The following XYLT1 variants were observed in gnomAD, a reference collection of about 807,000 sequenced individuals.
The protein encoded by XYLT1 is xylosyltransferase 1.
A neutral mutation model predicts 91.3 loss-of-function variants in XYLT1; 36 were observed. That is an observed-to-expected ratio of 0.39 (90% CI 0.30 to 0.52). The LOEUF is 0.52. Ranked by LOEUF, XYLT1 falls within the 20% of genes least tolerant of loss-of-function variation. The probability of loss-of-function intolerance (pLI) is 0.68; values close to 1 mark genes in which losing one functional copy is unlikely to be tolerated. For missense variants in XYLT1, 1,242 were observed against 1,284.5 expected (o/e 0.97, Z 0.51); for synonymous variants, 588 against 532.0 (o/e 1.11, Z -1.45).
At chr16:17,187,566 CA>C (rs57130941) in intron 5 of XYLT1, among the ~76,000 whole-genome samples, 769 of 57,180 alleles carry the variant, frequency 0.013, 4 homozygotes, top group African/African-American at 0.046. Flanking sequence ...AACGCTGTCT[CA>C]AAAAAAAAAA....
intron 2 of XYLT1, among the ~76,000 whole-genome samples, chr16:17,351,768 G>T: frequency 2.1e-5 from 3 of 144,034 alleles, no homozygotes; most frequent in Non-Finnish European, 3.0e-5. Flanking sequence ...GTGCTTTCCT[G>T]TGCATTATGG....
intron 6 of XYLT1, among the ~76,000 whole-genome samples, chr16:17,150,315 A>G (rs2031251120): frequency 6.6e-6 from 1 of 152,206 alleles, no homozygotes; most frequent in South Asian, 2.1e-4. Flanking sequence ...ATCCTACAGT[A>G]GCTGGAAGAT....
At chr16:17,142,630 A>G (rs1409522203) in intron 6 of XYLT1, among the ~76,000 whole-genome samples, 5 of 148,336 alleles carry the variant, frequency 3.4e-5, no homozygotes, top group African/African-American at 5.0e-5. Context: ...TTTAGTAGAG[A>G]TGGGGTTTCA....
chr16:17,323,976 T>C (rs1482205100), intron 2 of XYLT1, among the ~76,000 whole-genome samples: 1 of 152,210 alleles, frequency 6.6e-6, no homozygotes, highest in Non-Finnish European at 1.5e-5. Context: ...TCTACTAAAG[T>C]ATGAAACAGA....
chr16:17,396,727 C>T (rs1178665587), intron 1 of XYLT1, among the ~76,000 whole-genome samples: 2 of 152,064 alleles, frequency 1.3e-5, no homozygotes, highest in African/African-American at 2.4e-5. Flanking sequence ...AAAAATTAGC[C>T]GGGCGTGGTG....
intron 3 of XYLT1, among the ~76,000 whole-genome samples, chr16:17,247,355 G>A (rs2033454219): frequency 6.6e-6 from 1 of 152,054 alleles, no homozygotes; most frequent in African/African-American, 2.4e-5. Context: ...GGCAGCTACT[G>A]GGCAAGAACT....
chr16:17,176,805 C>G (rs1292192342), intron 5 of XYLT1, among the ~76,000 whole-genome samples: 1 of 151,520 alleles, frequency 6.6e-6, no homozygotes, highest in Non-Finnish European at 1.5e-5. Flanking sequence ...CATGTTTCCC[C>G]TCCTCCAGCA....
At chr16:17,325,904 T>C (rs2034793791) in intron 2 of XYLT1, among the ~76,000 whole-genome samples, 1 of 152,216 alleles carries the variant, frequency 6.6e-6, no homozygotes, top group African/African-American at 2.4e-5. Context: ...GCATCATGTC[T>C]ATGCAGGGGA....
At chr16:17,279,956 G>T (rs977533455) in intron 2 of XYLT1, among the ~76,000 whole-genome samples, 3 of 152,134 alleles carry the variant, frequency 2.0e-5, no homozygotes, top group African/African-American at 7.2e-5. Context: ...TCCTCCTCTA[G>T]GTCTGTCCTC....
At chr16:17,175,341 T>C (rs927024082) in intron 5 of XYLT1, among the ~76,000 whole-genome samples, 1 of 152,146 alleles carries the variant, frequency 6.6e-6, no homozygotes, top group Non-Finnish European at 1.5e-5. Context: ...ATAATAAGTA[T>C]AGAATATAAG....
chr16:17,337,775 C>CTTTTTTTTTTTT (rs71373106), intron 2 of XYLT1, among the ~76,000 whole-genome samples: 3 of 114,216 alleles, frequency 2.6e-5, no homozygotes, highest in African/African-American at 4.2e-5. Flanking sequence ...CACATTTTTT[C>CTTTTTTTTTTTT]TTTTTCTTTT....
chr16:17,402,092 A>G (rs1440096125), intron 1 of XYLT1, among the ~76,000 whole-genome samples: 1 of 151,794 alleles, frequency 6.6e-6, no homozygotes, highest in East Asian at 1.9e-4. Flanking sequence ...TGAGCCCAGG[A>G]GTTGGAGACC....
At chr16:17,412,779 A>G (rs8055418) in intron 1 of XYLT1, among the ~76,000 whole-genome samples, 1 of 152,268 alleles carries the variant, frequency 6.6e-6, no homozygotes, top group South Asian at 2.1e-4. Flanking sequence ...TTTCCCAAAC[A>G]AGGAATACTT....
chr16:17,114,930 C>T (rs1428133505), intron 11 of XYLT1, among the ~76,000 whole-genome samples: 4 of 152,064 alleles, frequency 2.6e-5, no homozygotes, highest in African/African-American at 4.8e-5. Flanking sequence ...CTGCAAGCTC[C>T]GCTTCCCGGG....
intron 6 of XYLT1, among the ~76,000 whole-genome samples, chr16:17,147,917 T>G (rs1189978673): frequency 6.6e-6 from 1 of 152,156 alleles, no homozygotes; most frequent in African/African-American, 2.4e-5. Context: ...TCTGTAGCAA[T>G]AAGCCCCATA....
intron 3 of XYLT1, chr16:17,251,450 A>G (rs2033537091): frequency 6.6e-6 from 1 of 152,208 alleles, no homozygotes; most frequent in Non-Finnish European, 1.5e-5. Flanking sequence ...TTCATTTCTA[A>G]TTCTTCACCT....
chr16:17,350,393 A>G (rs4781995), intron 2 of XYLT1, among the ~76,000 whole-genome samples: 1 of 152,064 alleles, frequency 6.6e-6, no homozygotes, highest in Non-Finnish European at 1.5e-5. Flanking sequence ...AGAAGATCCC[A>G]TGGCCAGGAG....
At chr16:17,368,502 A>G (rs2035483366) in intron 1 of XYLT1, among the ~76,000 whole-genome samples, 1 of 151,072 alleles carries the variant, frequency 6.6e-6, no homozygotes, top group African/African-American at 2.4e-5. Flanking sequence ...ACTTCAATAA[A>G]CCCACATTCT....
intron 2 of XYLT1, among the ~76,000 whole-genome samples, chr16:17,297,642 G>A (rs1034562641): frequency 6.6e-6 from 1 of 152,044 alleles, no homozygotes; most frequent in Non-Finnish European, 1.5e-5. Context: ...AGGATCACTT[G>A]AGCCTAGGAG....
Sources: allele counts gnomAD v4.1 joint callset (sites outside exome capture counted in the v4.1 genomes callset), GRCh38; gene constraint gnomAD v4.1.1; transcripts MANE v1.5; gene names NCBI Gene and HGNC (gene_info 2026-07-23, HGNC 2026-07-21).